Variants in PTPRD observed in about 807,000 individuals in gnomAD.
The protein encoded by PTPRD is protein tyrosine phosphatase receptor type D.
In PTPRD, 34 loss-of-function variants were observed where a neutral mutation model predicts 214.5. The observed-to-expected ratio is 0.16, with a 90% CI of 0.12 to 0.21. The LOEUF is 0.21. Ranked by LOEUF, PTPRD falls within the 10% of genes least tolerant of loss-of-function variation. The pLI is 1.00. For missense variants in PTPRD, 2,545 were observed against 2,398.7 expected, an observed-to-expected ratio of 1.06 and a Z score of -1.27; for synonymous variants, 1,128 against 845.7, an observed-to-expected ratio of 1.33 and a Z score of -5.79.
chr9:9,925,280 C>T (rs1039696489), intron 5 of PTPRD, among the ~76,000 whole-genome samples: 1 of 151,904 alleles, frequency 6.6e-6, no homozygotes, highest in Non-Finnish European at 1.5e-5. Context: ...AAAATTGTTG[C>T]CTTACTAAAC....
intron 4 of PTPRD, among the ~76,000 whole-genome samples, chr9:9,973,301 C>CAAAAAAAA (rs747369676): frequency 4.0e-5 from 3 of 74,200 alleles, no homozygotes; most frequent in African/African-American, 1.3e-4. Context: ...CCTTGTCTTT[C>CAAAAAAAA]AAAAAAAAAA....
intron 5 of PTPRD, among the ~76,000 whole-genome samples, chr9:9,931,312 T>G (rs2086429074): frequency 6.6e-6 from 1 of 152,098 alleles, no homozygotes; most frequent in Non-Finnish European, 1.5e-5. Flanking sequence ...CCATCTGAGG[T>G]ACAGGGTTCA....
intron 3 of PTPRD, among the ~76,000 whole-genome samples, chr9:10,097,282 T>C (rs2098500548): frequency 7.2e-6 from 1 of 139,412 alleles, no homozygotes; most frequent in African/African-American, 2.8e-5. Flanking sequence ...AAGAAAGTCA[T>C]TGGTAGCTTG....
intron 43 of PTPRD, among the ~76,000 whole-genome samples, chr9:8,335,422 G>A (rs1564034908): frequency 1.3e-5 from 2 of 152,096 alleles, no homozygotes; most frequent in East Asian, 1.9e-4. Context: ...TGCAGAAAAG[G>A]CCTTTGGCAA....
At chr9:9,318,366 C>A (rs959456818) in intron 9 of PTPRD, among the ~76,000 whole-genome samples, 1 of 152,026 alleles carries the variant, frequency 6.6e-6, no homozygotes, top group Non-Finnish European at 1.5e-5. Flanking sequence ...TTTGTAATAT[C>A]TGAATTGACT....
intron 2 of PTPRD, among the ~76,000 whole-genome samples, chr9:10,431,555 C>G (rs1426308390): frequency 2.0e-5 from 3 of 151,492 alleles, no homozygotes; most frequent in African/African-American, 7.3e-5. Flanking sequence ...GGGCTAATAT[C>G]CAGAATCTAC....
rs568751026 is a variant in PTPRD at position 10,598,111 on chromosome 9, G to C, written c.-600+14287C>G. On this transcript the variant is annotated intron_variant, in intron 2 of 45. Coordinates refer to ENST00000381196, the MANE Select transcript of PTPRD (RefSeq NM_002839.4). Reference sequence around the variant, plus strand: ...TGGAGTGACAAGAAAGCCACAGATTGAGGTCCAGTTTTCTAAATGTAGAAG... The same window carrying C: ...TGGAGTGACAAGAAAGCCACAGATTCAGGTCCAGTTTTCTAAATGTAGAAG... Among the ~76,000 whole-genome samples, 162 of 151,780 alleles carry C rather than the reference G, an allele frequency of 1.1e-3. 1 individual carries two copies. The highest frequency in any genetic ancestry group is 1.6e-3 in the Non-Finnish European group (111 of 67,774).
At chr9:8,891,362 G>T (rs2098538477) in intron 11 of PTPRD, among the ~76,000 whole-genome samples, 1 of 151,586 alleles carries the variant, frequency 6.6e-6, no homozygotes, top group South Asian at 2.1e-4. Flanking sequence ...TCAATCTCCT[G>T]ACCTCGTGAT....
chr9:10,313,618 G>C (rs986991761), intron 3 of PTPRD, among the ~76,000 whole-genome samples: 1 of 151,882 alleles, frequency 6.6e-6, no homozygotes, highest in Non-Finnish European at 1.5e-5. Context: ...GTGGCTCCCA[G>C]GTTGGAATCT....
At chr9:9,163,841 G>C (rs2099895749) in intron 10 of PTPRD, among the ~76,000 whole-genome samples, 1 of 152,102 alleles carries the variant, frequency 6.6e-6, no homozygotes, top group Admixed American at 6.6e-5. Flanking sequence ...ACTTGCTCTT[G>C]TCCACATCTA....
At chr9:9,425,160 A>G (rs1278143401) in intron 8 of PTPRD, among the ~76,000 whole-genome samples, 3 of 151,978 alleles carry the variant, frequency 2.0e-5, no homozygotes, top group Non-Finnish European at 4.4e-5. Context: ...AGGAAAATCA[A>G]TGCATCCCAG....
chr9:8,385,369 CT>C (rs1319458856), intron 37 of PTPRD, among the ~76,000 whole-genome samples: 1 of 152,150 alleles, frequency 6.6e-6, no homozygotes, highest in Non-Finnish European at 1.5e-5. Flanking sequence ...TCTACAAAAT[CT>C]AAAAATTAGC....
chr9:8,905,433 A>T (rs1425927200), intron 11 of PTPRD, among the ~76,000 whole-genome samples: 1 of 152,042 alleles, frequency 6.6e-6, no homozygotes, highest in Admixed American at 6.6e-5. Flanking sequence ...CTATAAGCAC[A>T]CATCAGAGGA....
At chr9:10,316,076 T>C (rs2096413984) in intron 3 of PTPRD, among the ~76,000 whole-genome samples, 2 of 150,196 alleles carry the variant, frequency 1.3e-5, no homozygotes, top group South Asian at 2.1e-4. Context: ...TTGTAATATA[T>C]ATATATATGA....
intron 5 of PTPRD, among the ~76,000 whole-genome samples, chr9:9,864,323 A>C (rs895979698): frequency 2.7e-5 from 4 of 147,944 alleles, no homozygotes; most frequent in African/African-American, 1.1e-4. Context: ...AGAAAAAGAG[A>C]AAGATTAAAA....
chr9:8,518,021 A>G lies in PTPRD; in HGVS notation c.1370T>C (p.Met457Thr), dbSNP rs1224416920. 9.3e-6 allele frequency: 15 copies of G among 1,614,168 alleles called. No individual in the cohort carries two copies. Among genetic ancestry groups the G allele is most frequent in the Non-Finnish European group, 1.2e-5 (14 of 1,180,014 alleles). The part of the protein sequence containing the change: ...QIQGYRVYYT[M>T]DPTQHVNNWM... ...GTTGTTGACATGTTGAGTGGGATCC[A>G]TTGTATAATAAACTCTATATCCTTG... Residue 457 changes from methionine to threonine, a missense_variant, in exon 21 of 46, where the codon ATG becomes ACG. Met to Thr is a moderately conservative substitution (Grantham distance 81, BLOSUM62 -1). Transcript: ENST00000381196.
At chr9:9,829,274 T>G (rs915141080) in intron 5 of PTPRD, among the ~76,000 whole-genome samples, 1 of 151,840 alleles carries the variant, frequency 6.6e-6, no homozygotes, top group Non-Finnish European at 1.5e-5. Flanking sequence ...TGTTTACAGA[T>G]AATCTAAAAA....
intron 8 of PTPRD, among the ~76,000 whole-genome samples, chr9:9,558,982 G>C (rs564059886): frequency 6.6e-6 from 1 of 152,282 alleles, no homozygotes; most frequent in East Asian, 1.9e-4. Flanking sequence ...GTACTTCAAT[G>C]CTCTAAGTAG....
intron 14 of PTPRD, among the ~76,000 whole-genome samples, chr9:8,556,815 A>G (rs1276602385): frequency 3.3e-5 from 5 of 152,150 alleles, no homozygotes; most frequent in Non-Finnish European, 5.9e-5. Flanking sequence ...AAGGAGGCTA[A>G]AAGAGATAGC....
Sources: allele counts gnomAD v4.1 joint callset (sites outside exome capture counted in the v4.1 genomes callset), GRCh38; gene constraint gnomAD v4.1.1; transcripts MANE v1.5; gene names NCBI Gene and HGNC (gene_info 2026-07-23, HGNC 2026-07-21).